The following ARHGAP5 variants were observed in gnomAD, a reference collection of about 807,000 sequenced individuals.
ARHGAP5 encodes rho GTPase-activating protein 5.
Under a neutral mutation model 116.6 loss-of-function variants are expected in ARHGAP5, and 23 were observed. The ratio of observed to expected loss-of-function variants is 0.20; its 90% CI spans 0.14 to 0.28. The LOEUF (loss-of-function observed/expected upper bound fraction) is 0.28. ARHGAP5 is among the 10% of genes least tolerant of loss of function. ARHGAP5 has a pLI of 1.00. For synonymous variants in ARHGAP5, 574 were observed against 602.0 expected, an observed-to-expected ratio of 0.95 and a Z score of 0.68; for missense variants, 1,405 against 1,774.8, an observed-to-expected ratio of 0.79 and a Z score of 3.74.
intron 3 of ARHGAP5, among the ~76,000 whole-genome samples, chr14:32,130,760 T>C (rs1880445494): frequency 6.6e-6 from 1 of 151,698 alleles, no homozygotes; most frequent in Non-Finnish European, 1.5e-5. Flanking sequence ...CTCAAACTCC[T>C]GGCCTTGTGA....
chr14:32,130,612 C>T (rs1328489035), intron 3 of ARHGAP5, among the ~76,000 whole-genome samples: 1 of 152,116 alleles, frequency 6.6e-6, no homozygotes, highest in Non-Finnish European at 1.5e-5. Context: ...GCGATCTCAG[C>T]TCACTGCAAC....
At chr14:32,115,506 A>T (rs984781609) in intron 2 of ARHGAP5, among the ~76,000 whole-genome samples, 2 of 151,730 alleles carry the variant, frequency 1.3e-5, no homozygotes, top group East Asian at 1.9e-4. Flanking sequence ...TACTAAAAAA[A>T]TACAAAAAAA....
intron 2 of ARHGAP5, among the ~76,000 whole-genome samples, chr14:32,115,834 T>A (rs1158843116): frequency 2.1e-5 from 3 of 139,648 alleles, no homozygotes; most frequent in Non-Finnish European, 4.6e-5. Flanking sequence ...AAAAATTAGC[T>A]GGGCTTGGTG....
intron 3 of ARHGAP5, among the ~76,000 whole-genome samples, chr14:32,119,322 T>A (rs1879764503): frequency 6.6e-6 from 1 of 152,120 alleles, no homozygotes; most frequent in Admixed American, 6.5e-5. Flanking sequence ...ACTTAAAGAT[T>A]GTGATATTTT....
chr14:32,100,370 TTTG>T (rs1878736203), intron 2 of ARHGAP5, among the ~76,000 whole-genome samples: 1 of 152,032 alleles, frequency 6.6e-6, no homozygotes, highest in South Asian at 2.1e-4. Context: ...TAGCTAATTT[TTTG>T]TTGTCATAGA....
At chr14:32,088,509 C>T (rs1422358379) in intron 1 of ARHGAP5, among the ~76,000 whole-genome samples, 1 of 151,910 alleles carries the variant, frequency 6.6e-6, no homozygotes, top group Admixed American at 6.6e-5. Context: ...CTAGAATATA[C>T]TATGTTTTCT....
In ARHGAP5 at chr14:32,120,865, T is replaced by C. The variant is rs571540098; in HGVS notation, c.3865+3578T>C. Among the ~76,000 whole-genome samples, 7 of 152,184 alleles carry C rather than the reference T, an allele frequency of 4.6e-5. No individual in the cohort carries two copies. In the East Asian group the frequency reaches 1.3e-3, roughly 29 times the overall value. ...CTGTATGTCCTATTTTATATCCTAT[T>C]TTTCTTGTTTAACTTTTGTAAAATT... On this transcript the variant is annotated intron_variant, in intron 3 of 6. Transcript: ENST00000345122.
At chr14:32,097,962 G>T (rs182516422) in intron 2 of ARHGAP5, among the ~76,000 whole-genome samples, 1 of 152,238 alleles carries the variant, frequency 6.6e-6, no homozygotes, top group Admixed American at 6.5e-5. Flanking sequence ...ACATTAAAAA[G>T]ACCTAAATAA....
intron 1 of ARHGAP5, among the ~76,000 whole-genome samples, chr14:32,080,782 T>G (rs1028878181): frequency 2.6e-5 from 4 of 151,822 alleles, no homozygotes; most frequent in Non-Finnish European, 4.4e-5. Flanking sequence ...ATAATTTTTT[T>G]TTTCCCCCCA....
intron 2 of ARHGAP5, among the ~76,000 whole-genome samples, chr14:32,114,088 C>T (rs1879437609): frequency 1.3e-5 from 2 of 152,226 alleles, no homozygotes; most frequent in Admixed American, 1.3e-4. Context: ...ATCAGCTGGG[C>T]GTGATGGCAC....
chr14:32,152,311 A>T, intron 5 of ARHGAP5, 112 bp from the exon 6 acceptor site: 1 of 754,680 alleles, frequency 1.3e-6, no homozygotes, highest in Non-Finnish European at 2.2e-6. Flanking sequence ...TACCTATCCT[A>T]ATATGCTTTA....
At chr14:32,077,484 G>A in intron 1 of ARHGAP5, 49 bp downstream of exon 1, 1 of 684,620 alleles carries the variant, frequency 1.5e-6, no homozygotes, top group South Asian at 1.5e-5. Flanking sequence ...CCCCCTCCCG[G>A]ACGGGGACCC....
chr14:32,102,726 A>G (rs950227130), intron 2 of ARHGAP5, among the ~76,000 whole-genome samples: 5 of 152,226 alleles, frequency 3.3e-5, no homozygotes, highest in African/African-American at 1.2e-4. Context: ...ACTCTGTGTC[A>G]TAGTGTGATC....
chr14:32,151,671 T>TA (rs1402705410), intron 5 of ARHGAP5, among the ~76,000 whole-genome samples: 1 of 152,252 alleles, frequency 6.6e-6, no homozygotes, highest in African/African-American at 2.4e-5. Context: ...GCTTTTGTGC[T>TA]ACAACACAGG....
rs796851852 is a variant in ARHGAP5 at position 32,098,403 on chromosome 14, CCTT to C, written c.3717+4021_3717+4023del. 1.1e-4 allele frequency among the ~76,000 whole-genome samples: 17 copies of C among 152,242 alleles called. No homozygotes were observed. The South Asian group carries it at 1.7e-3, about 15-fold the overall frequency. ...CGCTAATCTAAATGGTGAGGAAAGG[CCTT>C]CTTGAAAAGTCATTTTTAGTCAGAT... On this transcript the variant is annotated intron_variant, in intron 2 of 6. Transcript: ENST00000345122.
In ARHGAP5 at chr14:32,093,831, C is replaced by T. The variant is rs779832794; in HGVS notation, c.3162C>T (p.Leu1054=). The T allele has an allele frequency of 2.5e-6, 4 of 1,613,156 alleles. No individual in the cohort carries two copies. The highest frequency in any genetic ancestry group is 2.2e-5 in the East Asian group (1 of 44,872). The change falls in exon 2 of 7, where the codon CTC becomes CTT. Residue 1054 remains leucine, a synonymous_variant. Transcript: ENST00000345122. ...TACCTAAGACAAATGTGAAAAAACT[C>T]GATCCAAACCTTTTAAAAACAATTG... ...PVVPKTNVKK[L]DPNLLKTIEA...
intron 2 of ARHGAP5, among the ~76,000 whole-genome samples, chr14:32,101,532 G>A (rs1321716616): frequency 6.6e-6 from 1 of 151,976 alleles, no homozygotes; most frequent in African/African-American, 2.4e-5. Context: ...CATAAGTTAT[G>A]AGAAAAGCGT....
intron 1 of ARHGAP5, among the ~76,000 whole-genome samples, chr14:32,090,019 T>C (rs745820493): frequency 2.2e-4 from 33 of 151,998 alleles, no homozygotes; most frequent in Non-Finnish European, 3.8e-4. Flanking sequence ...TAAAATCTTA[T>C]CAAATTCTTA....
At chr14:32,081,267 A>T (rs2041769556) in intron 1 of ARHGAP5, among the ~76,000 whole-genome samples, 1 of 152,232 alleles carries the variant, frequency 6.6e-6, no homozygotes. Context: ...AAAAGTTAGT[A>T]GAAAGTTATT....
Sources: allele counts gnomAD v4.1 joint callset (sites outside exome capture counted in the v4.1 genomes callset), GRCh38; gene constraint gnomAD v4.1.1; transcripts MANE v1.5; gene names NCBI Gene and HGNC (gene_info 2026-07-23, HGNC 2026-07-21).